The following UNC13B variants were observed in gnomAD, a reference collection of about 807,000 sequenced individuals.
UNC13B encodes the protein protein unc-13 homolog B.
UNC13B carries 144 observed loss-of-function variants against 211.0 expected under a neutral mutation model. That is an observed-to-expected ratio of 0.68 (90% CI 0.60 to 0.78). The LOEUF (loss-of-function observed/expected upper bound fraction) is 0.78, where lower values mean the gene tolerates loss of function less well. Ranked by LOEUF, UNC13B falls within the 30% of genes least tolerant of loss-of-function variation. The pLI, the probability that UNC13B is intolerant of heterozygous loss-of-function variation, is 0.00. For missense variants in UNC13B, 1,777 were observed against 2,002.0 expected (o/e 0.89, Z 2.14); for synonymous variants, 709 against 725.8 (o/e 0.98, Z 0.37).
chr9:35,286,132 T>C (rs1318368203), intron 7 of UNC13B, among the ~76,000 whole-genome samples: 1 of 152,088 alleles, frequency 6.6e-6, no homozygotes, highest in Non-Finnish European at 1.5e-5. Flanking sequence ...TTATGGATAC[T>C]AGGAATGTCT....
chr9:35,221,028 A>G (rs550669637), intron 1 of UNC13B, among the ~76,000 whole-genome samples: 1 of 152,122 alleles, frequency 6.6e-6, no homozygotes, highest in South Asian at 2.1e-4. Context: ...ACACCTTTTC[A>G]TGTACTTGTT....
At chr9:35,174,133 CCT>C (rs57116071) in intron 1 of UNC13B, among the ~76,000 whole-genome samples, 11 of 149,824 alleles carry the variant, frequency 7.3e-5, no homozygotes, top group African/African-American at 1.9e-4. Flanking sequence ...TCTTCCTAGA[CCT>C]CTCTCTCTCT....
At position 35,306,676 on chromosome 9, in the gene UNC13B, A is replaced by C. The variant is rs532763611; in HGVS notation, c.7272A>C (p.Pro2424=). 4.8e-5 allele frequency: 19 copies of C among 399,102 alleles called. No individual in the cohort carries two copies. Among genetic ancestry groups the C allele is most frequent in the African/African-American group, 1.8e-4 (9 of 48,764 alleles). The allele number at this position is 399,102 out of a possible 1,614,324, so 24.7% of individuals were successfully genotyped here. Residue 2424 remains proline (P), a synonymous_variant, in exon 9 of 40, where the codon CCA becomes CCC. Coordinates refer to ENST00000635942, the MANE Select transcript of UNC13B (RefSeq NM_001371189.2). Reference sequence around the variant, plus strand: ...AGGTCTTACCACAGATCCTAGAGCCAGCCTCTTCCTCTCCAGAGCCAGGGT... The same window carrying C: ...AGGTCTTACCACAGATCCTAGAGCCCGCCTCTTCCTCTCCAGAGCCAGGGT... The part of the protein sequence containing the change: ...PDEVLPQILE[P]ASSSPEPGCA...
Position 35,162,276 on chromosome 9 carries a change from C to T in UNC13B, c.-8C>T. On this transcript the variant is annotated 5_prime_UTR_variant, in exon 1 of 40. Coordinates refer to ENST00000635942, the MANE Select transcript of UNC13B (RefSeq NM_001371189.2). ...GGGGCGCGGCAGAGGCTTGCCCGAT[C>T]CTCGGCCATGTCACTGCTCTGCGTG... The T allele has an allele frequency of 6.5e-7, 1 of 1,541,164 alleles. No homozygotes were observed. The highest frequency in any genetic ancestry group is 8.7e-7 in the Non-Finnish European group (1 of 1,147,828).
intron 16 of UNC13B, among the ~76,000 whole-genome samples, chr9:35,377,943 T>G (rs1834543050): frequency 1.4e-5 from 2 of 146,236 alleles, no homozygotes; most frequent in African/African-American, 2.5e-5. Flanking sequence ...GCTGTAGACT[T>G]GGCTAACAGT....
At chr9:35,201,317 C>T (rs1337725089) in intron 1 of UNC13B, among the ~76,000 whole-genome samples, 1 of 152,158 alleles carries the variant, frequency 6.6e-6, no homozygotes, top group Non-Finnish European at 1.5e-5. Flanking sequence ...GTGTCTCTGC[C>T]AGGCTTTGGT....
intron 7 of UNC13B, among the ~76,000 whole-genome samples, chr9:35,264,916 T>C (rs1827482313): frequency 1.3e-5 from 2 of 152,316 alleles, no homozygotes; most frequent in East Asian, 3.9e-4. Flanking sequence ...TGCCCTACGA[T>C]TGTATTTTGG....
rs1834838778 is a variant in UNC13B, at chr9:35,381,561, T to C, written c.10497T>C (p.Leu3499=). ...HVQYTCLHEN[L]FHYLTDIQGS... Reference sequence around the variant, plus strand: ...CTCTGCTCTGTCTCCTGCAGAATCTTTTCCATTACCTCACAGACATTCAGG... The same window carrying C: ...CTCTGCTCTGTCTCCTGCAGAATCTCTTCCATTACCTCACAGACATTCAGG... The change falls in exon 20 of 40, where the codon CTT becomes CTC. Residue 3499 remains leucine (L), a synonymous_variant. Coordinates refer to ENST00000635942, the MANE Select transcript of UNC13B (RefSeq NM_001371189.2). 1 of 1,613,150 alleles carries C rather than the reference T, an allele frequency of 6.2e-7. No individual in the cohort carries two copies. The highest frequency in any genetic ancestry group is 8.5e-7 in the Non-Finnish European group (1 of 1,179,298).
At chr9:35,172,880 G>A (rs1457402577) in intron 1 of UNC13B, among the ~76,000 whole-genome samples, 2 of 152,164 alleles carry the variant, frequency 1.3e-5, no homozygotes, top group Non-Finnish European at 2.9e-5. Context: ...GTAGGGAGAA[G>A]CAATTCTTAG....
intron 1 of UNC13B, among the ~76,000 whole-genome samples, chr9:35,210,885 C>T (rs1823930018): frequency 6.6e-6 from 1 of 151,976 alleles, no homozygotes; most frequent in Non-Finnish European, 1.5e-5. Context: ...TTGCAATGCC[C>T]CATAGAAGTG....
At chr9:35,384,357 C>T in intron 22 of UNC13B, 43 bp downstream of exon 22, 1 of 1,608,154 alleles carries the variant, frequency 6.2e-7, no homozygotes, top group Non-Finnish European at 8.5e-7. Flanking sequence ...AGATATCAAG[C>T]ACGGTCCCAG....
chr9:35,357,123 A>G (rs1833074211), intron 11 of UNC13B, among the ~76,000 whole-genome samples: 2 of 152,220 alleles, frequency 1.3e-5, no homozygotes, highest in Admixed American at 1.3e-4. Context: ...GCTGGGTCAT[A>G]TGGTAATTCT....
rs371085407 is a variant in UNC13B at position 35,244,310 on chromosome 9, T to C, written c.468+946T>C. On this transcript the variant is annotated intron_variant, in intron 6 of 39. Transcript: ENST00000635942. ...TCAAGTGAATTATGAAATAGAGCTATTGGATTTGGTGATTGATGACGAGTA... is the reference window on the plus strand; with the variant it reads ...TCAAGTGAATTATGAAATAGAGCTACTGGATTTGGTGATTGATGACGAGTA... 1.7e-4 allele frequency among the ~76,000 whole-genome samples: 26 copies of C among 152,280 alleles called. No homozygotes were observed. The East Asian group carries it at 2.3e-3, about 14-fold the overall frequency.
At chr9:35,220,222 A>G (rs1021936680) in intron 1 of UNC13B, among the ~76,000 whole-genome samples, 1 of 152,016 alleles carries the variant, frequency 6.6e-6, no homozygotes, top group Admixed American at 6.6e-5. Flanking sequence ...AAAGGCATAC[A>G]GTGCTTAATC....
chr9:35,282,631 C>T (rs916179170), intron 7 of UNC13B, among the ~76,000 whole-genome samples: 1 of 152,056 alleles, frequency 6.6e-6, no homozygotes, highest in Non-Finnish European at 1.5e-5. Flanking sequence ...GATGGGATTT[C>T]ACCATGTTGG....
intron 11 of UNC13B, among the ~76,000 whole-genome samples, chr9:35,333,130 C>A (rs7855761): frequency 0.36 from 54,073 of 151,752 alleles, 10,078 homozygotes; most frequent in African/African-American, 0.46. Context: ...TGTATATTAT[C>A]ATTCAATAAA....
chr9:35,344,052 A>G (rs977565292), intron 11 of UNC13B, among the ~76,000 whole-genome samples: 2 of 152,132 alleles, frequency 1.3e-5, no homozygotes, highest in Non-Finnish European at 2.9e-5. Context: ...TCTGTTAGTC[A>G]GTGCTGCTCT....
chr9:35,380,558 C>T lies in UNC13B; in HGVS notation c.10294C>T (p.Arg3432Ter). Residue 3432 changes from arginine to a stop codon, truncating the protein, a stop_gained, in exon 18 of 40, where the codon CGA (arginine) becomes TGA (stop). Coordinates refer to ENST00000635942, the MANE Select transcript of UNC13B (RefSeq NM_001371189.2). LOFTEE classifies it high-confidence loss of function. ...IKSRVKQRLK[R>*]ESDDFLGQTI... is the part of the protein sequence containing the mutation. Reference sequence around the variant, plus strand: ...GTCAAGAGTAAAGCAACGCCTAAAGCGAGAGTCTGATGATTTCCTTGGCCA... The same window carrying T: ...GTCAAGAGTAAAGCAACGCCTAAAGTGAGAGTCTGATGATTTCCTTGGCCA... 2 of 1,614,184 alleles carry T rather than the reference C, an allele frequency of 1.2e-6. No individual in the cohort carries two copies. Among genetic ancestry groups the T allele is most frequent in the African/African-American group, 1.3e-5 (1 of 75,042 alleles).
rs1830319621 is a variant in UNC13B at position 35,313,951 on chromosome 9, A to G, written c.9376A>G (p.Ile3126Val). The G allele has an allele frequency of 5.0e-6, 8 of 1,613,972 alleles. No individual in the cohort carries two copies. Among genetic ancestry groups the G allele is most frequent in the Non-Finnish European group, 6.8e-6 (8 of 1,179,896 alleles). Residue 3126 changes from isoleucine to valine, a missense_variant, in exon 11 of 40, where the codon ATC (isoleucine) becomes GTC (valine). Coordinates refer to ENST00000635942, the MANE Select transcript of UNC13B (RefSeq NM_001371189.2). Reference sequence around the variant, plus strand: ...ATTTACCCAAGCCAGAGCACATTGGATCCGAGCAGTTACCAAGGTTCGACT... The same window carrying G: ...ATTTACCCAAGCCAGAGCACATTGGGTCCGAGCAGTTACCAAGGTTCGACT... ...SPFTQARAHW[I>V]RAVTKVRLQL...
Sources: gnomAD v4.1 joint callset for allele counts (sites outside exome capture counted in the v4.1 genomes callset) on GRCh38, gnomAD v4.1.1 for gene constraint, MANE v1.5 for transcripts, NCBI Gene and HGNC (gene_info 2026-07-23, HGNC 2026-07-21) for gene names.